Variants in DIP2C observed in about 807,000 individuals in gnomAD.
DIP2C encodes the protein DIP2 acetate--CoA ligase C (putative).
In DIP2C, 33 loss-of-function variants were observed where a neutral mutation model predicts 192.4. The observed-to-expected ratio is 0.17, with a 90% CI of 0.13 to 0.23. The LOEUF is 0.23. DIP2C is among the 10% of genes least tolerant of loss of function. The pLI, the probability that DIP2C is intolerant of heterozygous loss-of-function variation, is 1.00. For missense variants in DIP2C, 1,537 were observed against 2,110.1 expected, an observed-to-expected ratio of 0.73 and a Z score of 5.32; for synonymous variants, 979 against 864.1, an observed-to-expected ratio of 1.13 and a Z score of -2.33.
In DIP2C at chr10:417,320, G is replaced by A. The variant is rs543467440; in HGVS notation, c.740-1432C>T. On this transcript the variant is annotated intron_variant, in intron 6 of 36. Coordinates refer to ENST00000280886, the MANE Select transcript of DIP2C (RefSeq NM_014974.3). ...TGGGAGGCTATGACACGCCGAGACA[G>A]CACAACACACCACGCAGGATTTACC... Among the ~76,000 whole-genome samples the A allele has an allele frequency of 3.9e-5, 6 of 152,260 alleles. No individual in the cohort carries two copies. The East Asian group carries it at 1.2e-3, about 29-fold the overall frequency.
chr10:425,521 G>A (rs1422700069), intron 4 of DIP2C, among the ~76,000 whole-genome samples: 2 of 137,282 alleles, frequency 1.5e-5, no homozygotes, highest in Non-Finnish European at 3.3e-5. Context: ...TGACACAGAT[G>A]ATACAGCATG....
At chr10:502,518 T>C (rs1029031034) in intron 1 of DIP2C, among the ~76,000 whole-genome samples, 1 of 151,966 alleles carries the variant, frequency 6.6e-6, no homozygotes, top group Non-Finnish European at 1.5e-5. Context: ...AAAGACATCA[T>C]AATGAGCACA....
intron 30 of DIP2C, among the ~76,000 whole-genome samples, chr10:328,475 C>T (rs1267618908): frequency 6.6e-6 from 1 of 152,074 alleles, no homozygotes; most frequent in Non-Finnish European, 1.5e-5. Flanking sequence ...GCATACTGAC[C>T]CTCAACTATG....
chr10:674,789 T>TATATATATATATATATAGAGAG, intron 1 of DIP2C, among the ~76,000 whole-genome samples: 34 of 62,468 alleles, frequency 5.4e-4, no homozygotes, highest in African/African-American at 1.4e-3. Flanking sequence ...TATATATATA[T>TATATATATATATATATAGAGAG]AGAGAGAGAG....
chr10:550,801 G>C (rs1848543208), intron 1 of DIP2C, among the ~76,000 whole-genome samples: 1 of 152,362 alleles, frequency 6.6e-6, no homozygotes, highest in Middle Eastern at 3.4e-3. Context: ...TGACCAGGAA[G>C]CAACAGGGAA....
intron 3 of DIP2C, among the ~76,000 whole-genome samples, chr10:453,465 C>T (rs1430722092): frequency 6.6e-6 from 1 of 152,144 alleles, no homozygotes; most frequent in Non-Finnish European, 1.5e-5. Flanking sequence ...ATGCTTAAAA[C>T]GATAGGAGAA....
intron 1 of DIP2C, among the ~76,000 whole-genome samples, chr10:619,924 A>T (rs1853751564): frequency 6.6e-6 from 1 of 152,168 alleles, no homozygotes. Context: ...TCACTAGAAT[A>T]ACAGCTGCAC....
intron 1 of DIP2C, among the ~76,000 whole-genome samples, chr10:640,305 G>T (rs1418190948): frequency 2.0e-5 from 3 of 152,260 alleles, no homozygotes; most frequent in Admixed American, 2.0e-4. Context: ...GCCCTTCGAT[G>T]GGGTCACACG....
At chr10:389,199 G>C (rs926330490) in intron 13 of DIP2C, among the ~76,000 whole-genome samples, 3 of 151,164 alleles carry the variant, frequency 2.0e-5, no homozygotes, top group African/African-American at 4.9e-5. Context: ...GATCTCAGGG[G>C]CATGGGGGTT....
intron 6 of DIP2C, among the ~76,000 whole-genome samples, chr10:417,657 TGTTCCTGTC>T (rs1564684570): frequency 1.6e-3 from 21 of 13,400 alleles, no homozygotes; most frequent in Admixed American, 4.9e-3. Context: ...CCTGTCCACC[TGTTCCTGTC>T]AGGGCTCGGA....
chr10:307,647 G>A (rs940935227), intron 32 of DIP2C, among the ~76,000 whole-genome samples: 2 of 152,138 alleles, frequency 1.3e-5, no homozygotes, highest in African/African-American at 4.8e-5. Flanking sequence ...GACAGACCTG[G>A]TTAGAAAGGT....
At chr10:600,856 T>G (rs1022372417) in intron 1 of DIP2C, among the ~76,000 whole-genome samples, 1 of 151,478 alleles carries the variant, frequency 6.6e-6, no homozygotes, top group African/African-American at 2.4e-5. Context: ...TCTTTGGCCA[T>G]CTGGTCAAAG....
Position 513,488 on chromosome 10 carries a change from G to A in DIP2C, c.86-26958C>T, listed in dbSNP as rs112733502. Among the ~76,000 whole-genome samples the A allele has an allele frequency of 4.9e-4, 75 of 152,116 alleles. 1 individual carries two copies. The highest frequency in any genetic ancestry group is 1.7e-3 in the African/African-American group (69 of 41,474). ...GCGGCCCGCGCCTCTCCTCCACCGC[G>A]CCACACCACGGCCCGTGGCTCTCGT... On this transcript the variant is annotated intron_variant, in intron 1 of 36. Transcript: ENST00000280886.
intron 20 of DIP2C, 125 bp downstream of exon 20, chr10:364,248 TA>T (rs1959907649): frequency 4.4e-6 from 5 of 1,147,318 alleles, no homozygotes; most frequent in Non-Finnish European, 6.1e-6. Context: ...GTTGCTTCAA[TA>T]ACATGGAAGA....
At chr10:477,203 G>A (rs377588527) in intron 2 of DIP2C, among the ~76,000 whole-genome samples, 27 of 138,824 alleles carry the variant, frequency 1.9e-4, no homozygotes, top group African/African-American at 6.1e-4. Flanking sequence ...ATAGACAAAT[G>A]GATGGAAACA....
intron 1 of DIP2C, among the ~76,000 whole-genome samples, chr10:685,764 C>T (rs1831309142): frequency 6.6e-6 from 1 of 152,054 alleles, no homozygotes; most frequent in Admixed American, 6.6e-5. Flanking sequence ...GAGTTCGAGA[C>T]CAGCCTAGCC....
chr10:525,434 A>G (rs1846992642), intron 1 of DIP2C, among the ~76,000 whole-genome samples: 1 of 152,276 alleles, frequency 6.6e-6, no homozygotes, highest in African/African-American at 2.4e-5. Flanking sequence ...AGCAGAACAC[A>G]GTACAGATAC....
chr10:523,205 C>G (rs1846823301), intron 1 of DIP2C, among the ~76,000 whole-genome samples: 1 of 149,522 alleles, frequency 6.7e-6, no homozygotes, highest in East Asian at 2.0e-4. Context: ...TCGTTTCCAC[C>G]TGATGCAAAG....
chr10:610,942 C>A (rs112290473), intron 1 of DIP2C, among the ~76,000 whole-genome samples: 1,383 of 64,750 alleles, frequency 0.021, 60 homozygotes, highest in African/African-American at 0.064. Flanking sequence ...CTAACCCCCC[C>A]GTGTTGGAGG....
Sources: allele counts gnomAD v4.1 joint callset (sites outside exome capture counted in the v4.1 genomes callset), GRCh38; gene constraint gnomAD v4.1.1; transcripts MANE v1.5; gene names NCBI Gene and HGNC (gene_info 2026-07-23, HGNC 2026-07-21).